The following CDC73 variants were observed in gnomAD, a reference collection of about 807,000 sequenced individuals.
CDC73 encodes the protein cell division cycle 73.
A neutral mutation model predicts 83.7 loss-of-function variants in CDC73; 21 were observed. The observed-to-expected ratio is 0.25, with a 90% CI of 0.18 to 0.36. CDC73 has a LOEUF of 0.36. Ranked by LOEUF, CDC73 falls within the 10% of genes least tolerant of loss-of-function variation. The pLI, the probability that CDC73 is intolerant of heterozygous loss-of-function variation, is 1.00. For missense variants in CDC73, 342 were observed against 653.3 expected, an observed-to-expected ratio of 0.52 and a Z score of 5.19; for synonymous variants, 224 against 212.9, an observed-to-expected ratio of 1.05 and a Z score of -0.45.
At chr1:193,232,119 C>A (rs551203410) in intron 13 of CDC73, among the ~76,000 whole-genome samples, 8 of 152,086 alleles carry the variant, frequency 5.3e-5, no homozygotes, top group Admixed American at 2.6e-4. Context: ...ATAAATGCCA[C>A]TAGTTGATAA....
At chr1:193,226,368 G>A (rs1677567388) in intron 13 of CDC73, among the ~76,000 whole-genome samples, 1 of 152,090 alleles carries the variant, frequency 6.6e-6, no homozygotes, top group Non-Finnish European at 1.5e-5. Context: ...AGAATGAAAT[G>A]AAGAGAGTGG....
intron 9 of CDC73, among the ~76,000 whole-genome samples, chr1:193,151,554 T>A (rs551451408): frequency 9.2e-5 from 14 of 152,350 alleles, no homozygotes; most frequent in Admixed American, 4.6e-4. Flanking sequence ...TGTTAAAATA[T>A]TTGCCTTTAC....
rs1678078305 is a variant in CDC73 at position 193,253,581 on chromosome 1, A to G, written c.*2869A>G. 2 of 231,864 alleles carry G rather than the reference A, an allele frequency of 8.6e-6. No individual in the cohort carries two copies. Among genetic ancestry groups the G allele is most frequent in the African/African-American group, 4.4e-5 (2 of 45,278 alleles). The allele number at this position is 231,864 out of a possible 1,614,324, so 14.4% of individuals were successfully genotyped here. On this transcript the variant is annotated 3_prime_UTR_variant, in exon 17 of 17. Coordinates refer to ENST00000367435, the MANE Select transcript of CDC73 (RefSeq NM_024529.5). ...TTAATGTATTTCATTATTAACTAGT[A>G]TTATAGTTTGTTTTTTTCCCATGTC...
At position 193,170,033 on chromosome 1, in the gene CDC73, G is replaced by A. The variant is rs539371018; in HGVS notation, c.972+17589G>A. Among the ~76,000 whole-genome samples the A allele has an allele frequency of 3.3e-5, 5 of 152,162 alleles. No homozygotes were observed. The South Asian group carries it at 8.3e-4, about 25-fold the overall frequency. ...ATCATCATTTAGCTGCCACTTATAC[G>A]TGAGAACATGTGGTATTTGTTTTTT... is the stretch of plus-strand genomic sequence containing the variant. On this transcript the variant is annotated intron_variant, in intron 10 of 16. Transcript: ENST00000367435.
intron 7 of CDC73, among the ~76,000 whole-genome samples, chr1:193,147,525 G>A (rs894001806): frequency 7.2e-5 from 11 of 151,762 alleles, no homozygotes; most frequent in Non-Finnish European, 1.0e-4. Context: ...CTGCCACCAC[G>A]CCCAGCCAAT....
At chr1:193,126,940 A>G (rs1468114877) in intron 2 of CDC73, among the ~76,000 whole-genome samples, 4 of 152,132 alleles carry the variant, frequency 2.6e-5, no homozygotes, top group Non-Finnish European at 5.9e-5. Context: ...TTTCTGGCTT[A>G]TGTATCTTTC....
At chr1:193,188,122 C>G (rs927810233) in intron 10 of CDC73, among the ~76,000 whole-genome samples, 6 of 152,148 alleles carry the variant, frequency 3.9e-5, no homozygotes, top group African/African-American at 1.4e-4. Flanking sequence ...ATGAAGCTAG[C>G]CACAATGACC....
intron 10 of CDC73, among the ~76,000 whole-genome samples, chr1:193,156,071 A>G (rs1016193934): frequency 6.6e-6 from 1 of 152,228 alleles, no homozygotes; most frequent in African/African-American, 2.4e-5. Context: ...GTCATATTAG[A>G]CAAAGAATGT....
intron 10 of CDC73, among the ~76,000 whole-genome samples, chr1:193,202,973 A>G (rs953202345): frequency 6.6e-6 from 1 of 152,022 alleles, no homozygotes; most frequent in Non-Finnish European, 1.5e-5. Flanking sequence ...ATAATTTGTC[A>G]AATTTCCTTC....
intron 10 of CDC73, chr1:193,180,555 A>G: frequency 6.2e-7 from 1 of 1,614,090 alleles, no homozygotes; most frequent in South Asian, 1.1e-5. Context: ...CCAAGTGCAA[A>G]CGGCGGATAC....
chr1:193,174,141 A>G (rs760295872), intron 10 of CDC73, among the ~76,000 whole-genome samples: 6 of 151,978 alleles, frequency 3.9e-5, no homozygotes, highest in Non-Finnish European at 8.8e-5. Flanking sequence ...GGTCTTGGCT[A>G]CAAGTCTTCT....
At chr1:193,204,450 C>T (rs1440465610) in intron 11 of CDC73, among the ~76,000 whole-genome samples, 9 of 151,332 alleles carry the variant, frequency 5.9e-5, no homozygotes, top group Non-Finnish European at 1.2e-4. Context: ...CCACCACGCC[C>T]GGCTAATTTT....
intron 3 of CDC73, among the ~76,000 whole-genome samples, chr1:193,132,817 GC>G (rs1459876855): frequency 9.2e-5 from 14 of 151,422 alleles, no homozygotes; most frequent in Non-Finnish European, 2.1e-4. Context: ...TTTTGGGGAA[GC>G]ACTTTAGAGC....
rs538217293 is a variant in CDC73 at position 193,211,187 on chromosome 1, G to A, written c.1031-878G>A. On this transcript the variant is annotated intron_variant, in intron 11 of 16. Coordinates refer to ENST00000367435, the MANE Select transcript of CDC73 (RefSeq NM_024529.5). ...CCCCCAGCGGATACCTGAAACCAGG[G>A]AGGGATAGTACCAAACCAGATTCGG... 2.0e-4 allele frequency among the ~76,000 whole-genome samples: 31 copies of A among 152,288 alleles called. 1 individual carries two copies. In the South Asian group the frequency reaches 6.0e-3, roughly 30 times the overall value.
chr1:193,153,706 A>G (rs189643312), intron 10 of CDC73, among the ~76,000 whole-genome samples: 3 of 152,302 alleles, frequency 2.0e-5, no homozygotes, highest in African/African-American at 7.2e-5. Flanking sequence ...TTGTCATCAG[A>G]TTTGTTTTTG....
chr1:193,122,315 A>G lies in CDC73; in HGVS notation c.115A>G (p.Asn39Asp). Residue 39 changes from asparagine (N) to aspartate (D), a missense_variant, in exon 1 of 17, where the codon AAC (asparagine) becomes GAC (aspartate). By Grantham distance (23) the Asn-to-Asp change is conservative (BLOSUM62 1). Transcript: ENST00000367435. Reference protein sequence around the residue: ...EFSWPKNVKTNYVVWGTGKEG... With the variant: ...EFSWPKNVKTDYVVWGTGKEG... The stretch of plus-strand genomic sequence containing the variant: ...CTCCTGGCCCAAGAATGTGAAGACC[A>G]ACTATGTTGTTTGGGGGTAAGTCCG... The G allele has an allele frequency of 6.2e-7, 1 of 1,614,152 alleles. No individual in the cohort carries two copies.
rs913005928 is a variant in CDC73, at chr1:193,251,153, G to A, written c.*441G>A. ...AACATCCAAAACCAAGCAAAGGGAT[G>A]TGACTATTTTGAATGAATCAGAATG... On this transcript the variant is annotated 3_prime_UTR_variant, in exon 17 of 17. Coordinates refer to ENST00000367435, the MANE Select transcript of CDC73 (RefSeq NM_024529.5). 14 of 246,836 alleles carry A rather than the reference G, an allele frequency of 5.7e-5. No individual in the cohort carries two copies. The highest frequency in any genetic ancestry group is 8.0e-5 in the Non-Finnish European group (10 of 125,766). The allele number at this position is 246,836 out of a possible 1,614,324, so 15.3% of individuals were successfully genotyped here. A position where few individuals can be genotyped will look rare whatever the true frequency, so the allele number is the denominator to read the frequency against.
chr1:193,203,475 G>T (rs1351103948), intron 10 of CDC73, among the ~76,000 whole-genome samples: 1 of 152,144 alleles, frequency 6.6e-6, no homozygotes, highest in Non-Finnish European at 1.5e-5. Context: ...TGACATTTCT[G>T]AGAATATTAA....
intron 13 of CDC73, among the ~76,000 whole-genome samples, chr1:193,232,569 T>G (rs992901174): frequency 6.6e-6 from 1 of 152,160 alleles, no homozygotes; most frequent in African/African-American, 2.4e-5. Context: ...CAGGTTTATT[T>G]AAAAACAAAC....
Sources: allele counts gnomAD v4.1 joint callset (sites outside exome capture counted in the v4.1 genomes callset), GRCh38; gene constraint gnomAD v4.1.1; transcripts MANE v1.5; gene names NCBI Gene and HGNC (gene_info 2026-07-23, HGNC 2026-07-21).